Variants in LRRTM4 observed in about 807,000 individuals in gnomAD.
LRRTM4 encodes the protein leucine rich repeat transmembrane neuronal 4.
Under a neutral mutation model 47.6 loss-of-function variants are expected in LRRTM4, and 25 were observed. The ratio of observed to expected loss-of-function variants is 0.53; its 90% CI spans 0.38 to 0.73. LRRTM4 has a LOEUF of 0.73. Among genes scored for constraint, LRRTM4 ranks in the 30% least tolerant of loss-of-function variants. The probability of loss-of-function intolerance (pLI) is 0.00; values close to 1 mark genes in which losing one functional copy is unlikely to be tolerated. For synonymous variants in LRRTM4, 311 were observed against 269.5 expected, an observed-to-expected ratio of 1.15 and a Z score of -1.51; for missense variants, 638 against 713.4, an observed-to-expected ratio of 0.89 and a Z score of 1.20.
intron 3 of LRRTM4, among the ~76,000 whole-genome samples, chr2:76,922,032 T>C (rs1306875881): frequency 6.6e-6 from 1 of 152,038 alleles, no homozygotes; most frequent in East Asian, 1.9e-4. Context: ...AAAAAAGAAA[T>C]GTGACATATA....
intron 3 of LRRTM4, among the ~76,000 whole-genome samples, chr2:77,291,022 C>T (rs1256057890): frequency 6.6e-6 from 1 of 152,010 alleles, no homozygotes; most frequent in Non-Finnish European, 1.5e-5. Flanking sequence ...TACAGATAAC[C>T]TCCATATTCT....
chr2:77,141,182 T>C (rs1029533819), intron 3 of LRRTM4, among the ~76,000 whole-genome samples: 3 of 152,226 alleles, frequency 2.0e-5, no homozygotes, highest in African/African-American at 4.8e-5. Context: ...CGTATGTTTA[T>C]TGTGGCACTA....
intron 3 of LRRTM4, among the ~76,000 whole-genome samples, chr2:77,292,017 C>T (rs1676837818): frequency 6.6e-6 from 1 of 151,860 alleles, no homozygotes; most frequent in African/African-American, 2.4e-5. Flanking sequence ...CAAACAACCC[C>T]ATCAAAAAGT....
intron 3 of LRRTM4, among the ~76,000 whole-genome samples, chr2:76,774,266 CT>C (rs1673855860): frequency 6.6e-6 from 1 of 151,662 alleles, no homozygotes; most frequent in Admixed American, 6.6e-5. Flanking sequence ...CTCACTGCAA[CT>C]TCCAACTTCT....
intron 3 of LRRTM4, among the ~76,000 whole-genome samples, chr2:77,245,838 T>C (rs368592713): frequency 2.4e-4 from 37 of 152,316 alleles, no homozygotes; most frequent in African/African-American, 7.7e-4. Flanking sequence ...CAATTTTAGA[T>C]GGTTATTCTC....
chr2:77,226,552 T>C (rs1030626338), intron 3 of LRRTM4, among the ~76,000 whole-genome samples: 5 of 113,804 alleles, frequency 4.4e-5, no homozygotes, highest in Non-Finnish European at 7.8e-5. Flanking sequence ...TATATATATA[T>C]ATATATATAT....
At chr2:77,312,065 C>G (rs185243612) in intron 3 of LRRTM4, among the ~76,000 whole-genome samples, 1 of 152,088 alleles carries the variant, frequency 6.6e-6, no homozygotes, top group East Asian at 1.9e-4. Context: ...ACTCTCCACA[C>G]CCCCACCTTG....
At chr2:76,936,587 A>AT (rs1046957547) in intron 3 of LRRTM4, among the ~76,000 whole-genome samples, 1 of 112,554 alleles carries the variant, frequency 8.9e-6, no homozygotes, top group Non-Finnish European at 1.6e-5. Context: ...AAGTATAATA[A>AT]AAAAAAAAAA....
intron 3 of LRRTM4, among the ~76,000 whole-genome samples, chr2:77,110,404 A>G (rs1441742508): frequency 1.3e-5 from 2 of 152,194 alleles, no homozygotes; most frequent in Non-Finnish European, 2.9e-5. Context: ...TTTCTCCTGT[A>G]AGATATTATT....
chr2:76,794,623 T>G lies in LRRTM4; in HGVS notation c.1552-45707A>C, dbSNP rs565950742. The stretch of plus-strand genomic sequence containing the variant: ...ATACCATTTTCAAAAAGCAATAATT[T>G]TATCTGTTTTCCTAGTATTTACATT... On this transcript the variant is annotated intron_variant, in intron 3 of 3. Transcript: ENST00000409884. Among the ~76,000 whole-genome samples, 131 of 152,326 alleles carry G rather than the reference T, an allele frequency of 8.6e-4. 1 individual carries two copies. The highest frequency in any genetic ancestry group is 1.4e-3 in the Non-Finnish European group (94 of 68,032).
Position 76,989,036 on chromosome 2 carries a change from T to C in LRRTM4, c.1552-240120A>G, listed in dbSNP as rs555915323. Among the ~76,000 whole-genome samples the C allele has an allele frequency of 4.6e-5, 7 of 152,006 alleles. No homozygotes were observed. The South Asian group carries it at 1.2e-3, about 27-fold the overall frequency. ...CTTAACTTTTACTTCAAGCATCTTA[T>C]CAAATAATTTTTCCCAACAATTTCA... On this transcript the variant is annotated intron_variant, in intron 3 of 3. Transcript: ENST00000409884.
At chr2:76,806,453 C>T (rs1222552881) in intron 3 of LRRTM4, among the ~76,000 whole-genome samples, 2 of 151,960 alleles carry the variant, frequency 1.3e-5, no homozygotes, top group South Asian at 2.1e-4. Flanking sequence ...TGGTAGCGCA[C>T]GCCTGTAATC....
At position 77,320,948 on chromosome 2, in the gene LRRTM4, G is replaced by T. The variant is rs1677770135; in HGVS notation, c.1551+197370C>A. On this transcript the variant is annotated intron_variant, in intron 3 of 3. Coordinates refer to ENST00000409884, the MANE Select transcript of LRRTM4 (RefSeq NM_001134745.3). ...ATCTCTGTCATTATTTGACATACCT[G>T]ATAGGGATATTGAAAAAATTGTACT... Among the ~76,000 whole-genome samples, 3 of 151,884 alleles carry T rather than the reference G, an allele frequency of 2.0e-5. 1 individual carries two copies. The highest frequency in any genetic ancestry group is 6.3e-3 in the Middle Eastern group (2 of 316).
At chr2:77,277,418 GTT>G (rs1361688692) in intron 3 of LRRTM4, among the ~76,000 whole-genome samples, 2 of 151,824 alleles carry the variant, frequency 1.3e-5, no homozygotes, top group African/African-American at 4.8e-5. Flanking sequence ...ATACTATAGA[GTT>G]ATAAAAAATA....
chr2:76,853,503 G>C (rs1230820546), intron 3 of LRRTM4, among the ~76,000 whole-genome samples: 1 of 151,924 alleles, frequency 6.6e-6, no homozygotes, highest in East Asian at 1.9e-4. Context: ...TTAGATATTA[G>C]AGTTATCTTT....
At chr2:77,044,429 C>G (rs1393502152) in intron 3 of LRRTM4, among the ~76,000 whole-genome samples, 1 of 151,726 alleles carries the variant, frequency 6.6e-6, no homozygotes, top group Admixed American at 6.6e-5. Flanking sequence ...ATCCTATTCT[C>G]TCTGAAAAGA....
rs187971588 is a variant in LRRTM4 at position 77,134,957 on chromosome 2, G to C, written c.1551+383361C>G. On this transcript the variant is annotated intron_variant, in intron 3 of 3. Coordinates refer to ENST00000409884, the MANE Select transcript of LRRTM4 (RefSeq NM_001134745.3). ...AATGGTAATTTTAGTTATTTAGAAAGAGGATAAAATCCTTAAGAACACCCA... is the reference window on the plus strand; with the variant it reads ...AATGGTAATTTTAGTTATTTAGAAACAGGATAAAATCCTTAAGAACACCCA... Among the ~76,000 whole-genome samples the C allele has an allele frequency of 2.1e-3, 319 of 151,184 alleles. 1 individual carries two copies. Among genetic ancestry groups the C allele is most frequent in the African/African-American group, 7.5e-3 (307 of 40,868 alleles).
intron 3 of LRRTM4, among the ~76,000 whole-genome samples, chr2:77,029,971 T>G (rs545055039): frequency 6.6e-6 from 1 of 152,160 alleles, no homozygotes; most frequent in Admixed American, 6.6e-5. Context: ...AGAGCTATAG[T>G]GTCATAGTGT....
chr2:77,511,263 T>C (rs1219356961), intron 3 of LRRTM4, among the ~76,000 whole-genome samples: 1 of 152,072 alleles, frequency 6.6e-6, no homozygotes. Context: ...TACAGAACTG[T>C]GTTTATTAAA....
Sources: allele counts gnomAD v4.1 joint callset (sites outside exome capture counted in the v4.1 genomes callset), GRCh38; gene constraint gnomAD v4.1.1; transcripts MANE v1.5; gene names NCBI Gene and HGNC (gene_info 2026-07-23, HGNC 2026-07-21).